Variants in CELF1 observed in about 807,000 individuals in gnomAD.
The protein encoded by CELF1 is 50 kDa nuclear polyadenylated RNA-binding protein.
In CELF1, 10 loss-of-function variants were observed where a neutral mutation model predicts 61.8. The ratio of observed to expected loss-of-function variants is 0.16; its 90% CI spans 0.10 to 0.27. CELF1 has a LOEUF of 0.27. Among genes scored for constraint, CELF1 ranks in the 10% least tolerant of loss-of-function variants. CELF1 has a pLI of 1.00. For missense variants in CELF1, 380 were observed against 639.1 expected, an observed-to-expected ratio of 0.59 and a Z score of 4.37; for synonymous variants, 236 against 225.1, an observed-to-expected ratio of 1.05 and a Z score of -0.43.
chr11:47,509,811 G>A (rs889274133), intron 1 of CELF1, among the ~76,000 whole-genome samples: 4 of 151,536 alleles, frequency 2.6e-5, no homozygotes, highest in Admixed American at 2.6e-4. Flanking sequence ...CGGGTCACTT[G>A]AGGTCAGGAA....
intron 6 of CELF1, 130 bp from the exon 7 acceptor site, chr11:47,484,653 A>T (rs2085503798): frequency 8.4e-6 from 6 of 711,232 alleles, no homozygotes; most frequent in Non-Finnish European, 2.3e-6. Context: ...AAAGACACAC[A>T]TTTGTTTTTT....
intron 1 of CELF1, among the ~76,000 whole-genome samples, chr11:47,526,517 T>C (rs2096248961): frequency 6.6e-6 from 1 of 152,224 alleles, no homozygotes; most frequent in Non-Finnish European, 1.5e-5. Flanking sequence ...AGAAAACATA[T>C]TCTAAACTAA....
At chr11:47,487,515 C>T (rs541231770) in intron 4 of CELF1, among the ~76,000 whole-genome samples, 11 of 152,304 alleles carry the variant, frequency 7.2e-5, no homozygotes, top group African/African-American at 2.6e-4. Flanking sequence ...TACGACTTCT[C>T]ATAAAGAAAG....
chr11:47,476,785 G>A, intron 12 of CELF1, 61 bp downstream of exon 12: 1 of 1,295,288 alleles, frequency 7.7e-7, no homozygotes, highest in South Asian at 1.2e-5. Context: ...GCCCCTACCA[G>A]GGTTAAGATG....
At chr11:47,529,971 T>C (rs959288094) in intron 1 of CELF1, among the ~76,000 whole-genome samples, 1 of 152,132 alleles carries the variant, frequency 6.6e-6, no homozygotes, top group Non-Finnish European at 1.5e-5. Context: ...TATGCCTCAG[T>C]TTGTAAAGAG....
chr11:47,479,527 T>C (rs780193047), intron 9 of CELF1, among the ~76,000 whole-genome samples: 2 of 152,238 alleles, frequency 1.3e-5, no homozygotes, highest in African/African-American at 2.4e-5. Context: ...CCTTATTTAC[T>C]TCCTCCCCTC....
chr11:47,544,251 T>C (rs2096878082), intron 1 of CELF1, among the ~76,000 whole-genome samples: 2 of 152,198 alleles, frequency 1.3e-5, no homozygotes, highest in African/African-American at 2.4e-5. Flanking sequence ...ATTTATTTCA[T>C]TTGGCTGAAA....
chr11:47,501,798 G>A (rs1455696945), intron 1 of CELF1, among the ~76,000 whole-genome samples: 1 of 152,080 alleles, frequency 6.6e-6, no homozygotes, highest in African/African-American at 2.4e-5. Context: ...ACTCCAGCCT[G>A]GGCGACAGTA....
intron 1 of CELF1, among the ~76,000 whole-genome samples, chr11:47,521,305 C>A (rs948239732): frequency 1.3e-5 from 2 of 152,122 alleles, no homozygotes; most frequent in Non-Finnish European, 2.9e-5. Context: ...TGATGGTGAT[C>A]TGCAAAACCA....
chr11:47,489,006 G>A lies in CELF1; in HGVS notation c.90C>T (p.Gly30=), dbSNP rs1014995974. 1.9e-6 allele frequency: 3 copies of A among 1,589,042 alleles called. No individual in the cohort carries two copies. The highest frequency in any genetic ancestry group is 1.9e-5 in the Admixed American group (1 of 52,602). The change falls in exon 4 of 15, where the codon GGC becomes GGT. Residue 30 remains glycine (G), a synonymous_variant. Coordinates refer to ENST00000687097, the MANE Select transcript of CELF1 (RefSeq NM_001376376.1). ...NSSPVSKKMN[G]TLDHPDQPDL... ...CTGGTTGGTCTGGGTGGTCCAGGGTGCCGTTCATTTTCTTTGAGCTGTGTG... is the reference window on the plus strand; with the variant it reads ...CTGGTTGGTCTGGGTGGTCCAGGGTACCGTTCATTTTCTTTGAGCTGTGTG...
chr11:47,512,834 A>G (rs917022033), intron 1 of CELF1, among the ~76,000 whole-genome samples: 2 of 152,178 alleles, frequency 1.3e-5, no homozygotes, highest in African/African-American at 4.8e-5. Flanking sequence ...CTCATGCTCC[A>G]GAGAGCCAAG....
intron 1 of CELF1, among the ~76,000 whole-genome samples, chr11:47,522,301 G>A (rs937521466): frequency 6.6e-6 from 1 of 151,728 alleles, no homozygotes; most frequent in Non-Finnish European, 1.5e-5. Flanking sequence ...CAAGGCAGGT[G>A]GATCACCCGA....
At chr11:47,518,240 TG>T (rs2095663642) in intron 1 of CELF1, among the ~76,000 whole-genome samples, 1 of 152,222 alleles carries the variant, frequency 6.6e-6, no homozygotes, top group Admixed American at 6.5e-5. Context: ...CCATTTTAAA[TG>T]ACCCCAGCAA....
chr11:47,530,203 T>G (rs1041059364), intron 1 of CELF1, among the ~76,000 whole-genome samples: 1 of 152,200 alleles, frequency 6.6e-6, no homozygotes, highest in Non-Finnish European at 1.5e-5. Context: ...CTTTAAAATC[T>G]TCCACATTTT....
In CELF1 at chr11:47,470,161, A is replaced by G. The variant is rs916573450; in HGVS notation, c.*2069T>C. Reference sequence around the variant, plus strand: ...CAAAATCCTGGCCTTTTCCAGAGATATAATTTAGGTAATAAATATTCTCCA... The same window carrying G: ...CAAAATCCTGGCCTTTTCCAGAGATGTAATTTAGGTAATAAATATTCTCCA... On this transcript the variant is annotated 3_prime_UTR_variant, in exon 15 of 15. Coordinates refer to ENST00000687097, the MANE Select transcript of CELF1 (RefSeq NM_001376376.1). The G allele has an allele frequency of 1.2e-4, 19 of 152,346 alleles. No individual in the cohort carries two copies. The highest frequency in any genetic ancestry group is 4.1e-4 in the African/African-American group (17 of 41,570). 9.4% of individuals were successfully genotyped at this position (152,346 alleles called of 1,614,324 possible). A position where few individuals can be genotyped will look rare whatever the true frequency, so the allele number is the denominator to read the frequency against.
rs1165504869 is a variant in CELF1, at chr11:47,466,041, G to A, written c.*6189C>T. ...TGTCTGTGCAATTAAAACAGATTTA[G>A]GTTCCCCATTGGGACAAAAGGAAAA... On this transcript the variant is annotated 3_prime_UTR_variant, in exon 15 of 15. Coordinates refer to ENST00000687097, the MANE Select transcript of CELF1 (RefSeq NM_001376376.1). The A allele has an allele frequency of 3.9e-5, 6 of 152,150 alleles. No individual in the cohort carries two copies. The highest frequency in any genetic ancestry group is 1.4e-4 in the African/African-American group (6 of 41,440). The allele number at this position is 152,150 out of a possible 1,614,324, so 9.4% of individuals were successfully genotyped here.
At chr11:47,511,368 T>TGAGGTAATCTCTTGGGAAATAA (rs2095154443) in intron 1 of CELF1, among the ~76,000 whole-genome samples, 1 of 152,146 alleles carries the variant, frequency 6.6e-6, no homozygotes, top group Non-Finnish European at 1.5e-5. Flanking sequence ...TTGGGAAATA[T>TGAGGTAATCTCTTGGGAAATAA]GAGAACTAGA....
intron 1 of CELF1, among the ~76,000 whole-genome samples, chr11:47,521,463 A>G (rs887117903): frequency 7.2e-5 from 11 of 152,218 alleles, no homozygotes; most frequent in African/African-American, 2.7e-4. Flanking sequence ...CCTAGACTCT[A>G]GAGTCATACC....
intron 1 of CELF1, among the ~76,000 whole-genome samples, 157 bp downstream of exon 1, chr11:47,552,835 G>C (rs2097178305): frequency 6.6e-6 from 1 of 152,278 alleles, no homozygotes; most frequent in African/African-American, 2.4e-5. Flanking sequence ...GGAGATCGCA[G>C]CCCTACCCCA....
Sources: gnomAD v4.1 joint callset for allele counts (sites outside exome capture counted in the v4.1 genomes callset) on GRCh38, gnomAD v4.1.1 for gene constraint, MANE v1.5 for transcripts, NCBI Gene and HGNC (gene_info 2026-07-23, HGNC 2026-07-21) for gene names.